CDH12: variants seen among roughly 807,000 people sequenced by gnomAD.
The protein encoded by CDH12 is cadherin-12.
A neutral mutation model predicts 74.1 loss-of-function variants in CDH12; 41 were observed. The observed-to-expected ratio is 0.55, with a 90% CI of 0.43 to 0.72. The LOEUF (loss-of-function observed/expected upper bound fraction) is 0.72. Among genes scored for constraint, CDH12 ranks in the 30% least tolerant of loss-of-function variants. The pLI is 0.00. For missense variants in CDH12, 945 were observed against 977.2 expected (o/e 0.97, Z 0.44); for synonymous variants, 399 against 355.0 (o/e 1.12, Z -1.39).
chr5:22,588,785 C>T (rs566395311), intron 1 of CDH12, among the ~76,000 whole-genome samples: 1 of 152,300 alleles, frequency 6.6e-6, no homozygotes, highest in African/African-American at 2.4e-5. Context: ...GTGTTAAATG[C>T]TCCTGCTCCC....
At chr5:22,475,287 C>T (rs901887156) in intron 2 of CDH12, among the ~76,000 whole-genome samples, 1 of 151,436 alleles carries the variant, frequency 6.6e-6, no homozygotes, top group Non-Finnish European at 1.5e-5. Flanking sequence ...GAATTTTCTT[C>T]GGGAAATGTT....
At chr5:22,833,476 T>C (rs1388165680) in intron 1 of CDH12, among the ~76,000 whole-genome samples, 1 of 152,196 alleles carries the variant, frequency 6.6e-6, no homozygotes, top group Non-Finnish European at 1.5e-5. Flanking sequence ...CACCTTTTCA[T>C]TGCTAAATAA....
chr5:21,989,816 T>C (rs190353259), intron 5 of CDH12, among the ~76,000 whole-genome samples: 7 of 152,184 alleles, frequency 4.6e-5, no homozygotes, highest in African/African-American at 1.7e-4. Flanking sequence ...AAAGTGGAGA[T>C]AATATAAAAT....
chr5:22,203,660 GA>G (rs924213217), intron 4 of CDH12, among the ~76,000 whole-genome samples: 11 of 152,134 alleles, frequency 7.2e-5, no homozygotes, highest in African/African-American at 2.7e-4. Context: ...AATATTTTGA[GA>G]AACCTTCCTA....
chr5:22,696,222 T>C (rs1742350422), intron 1 of CDH12, among the ~76,000 whole-genome samples: 1 of 151,746 alleles, frequency 6.6e-6, no homozygotes, highest in African/African-American at 2.4e-5. Flanking sequence ...TACAAAAAAA[T>C]TAGCCGGGCG....
chr5:22,221,145 G>A (rs1462075632), intron 3 of CDH12, among the ~76,000 whole-genome samples: 1 of 151,884 alleles, frequency 6.6e-6, no homozygotes, highest in Non-Finnish European at 1.5e-5. Context: ...TGGCATTCAC[G>A]CTGGGCTTTG....
chr5:22,377,364 G>A (rs554608973), intron 3 of CDH12, among the ~76,000 whole-genome samples: 18 of 152,078 alleles, frequency 1.2e-4, no homozygotes, highest in Non-Finnish European at 2.9e-5. Flanking sequence ...CAACAAGGTC[G>A]CCAATGACGC....
In CDH12 at chr5:22,599,464, C is replaced by T. The variant is rs181172831; in HGVS notation, c.-522-94100G>A. Among the ~76,000 whole-genome samples, 39 of 152,218 alleles carry T rather than the reference C, an allele frequency of 2.6e-4. No homozygotes were observed. In the East Asian group the frequency reaches 3.5e-3, roughly 14 times the overall value. On this transcript the variant is annotated intron_variant, in intron 1 of 14. Coordinates refer to ENST00000382254, the MANE Select transcript of CDH12 (RefSeq NM_004061.5). The stretch of plus-strand genomic sequence containing the variant: ...TGCCCCAGTGCATTCTTATAGTGCA[C>T]GCTGATAAATCATAGTAAAAATATA...
Position 21,802,187 on chromosome 5 carries a change from A to C in CDH12, c.1236T>G (p.Asp412Glu). 1 of 1,613,762 alleles carries C rather than the reference A, an allele frequency of 6.2e-7. No homozygotes were observed. The highest frequency in any genetic ancestry group is 8.5e-7 in the Non-Finnish European group (1 of 1,179,832). Residue 412 changes from aspartate (D) to glutamate (E), a missense_variant, in exon 10 of 15, where the codon GAT becomes GAG. By Grantham distance (45) the Asp-to-Glu change is conservative. Coordinates refer to ENST00000382254, the MANE Select transcript of CDH12 (RefSeq NM_004061.5). ...IIGAVTAQDL[D>E]VGSSAVRYFI... is the part of the protein sequence containing the mutation. Reference sequence around the variant, plus strand: ...CTCACCTAACAGCACTGCTGCCTACATCCAGGTCTTGAGCAGTGACAGCGC... The same window carrying C: ...CTCACCTAACAGCACTGCTGCCTACCTCCAGGTCTTGAGCAGTGACAGCGC...
chr5:21,846,497 C>T (rs1750178293), intron 7 of CDH12, among the ~76,000 whole-genome samples: 1 of 152,136 alleles, frequency 6.6e-6, no homozygotes, highest in Non-Finnish European at 1.5e-5. Context: ...CTTAATACAG[C>T]TATGTTACTT....
chr5:22,678,744 A>G lies in CDH12; in HGVS notation c.-522-173380T>C, dbSNP rs376345875. 3.9e-5 allele frequency among the ~76,000 whole-genome samples: 6 copies of G among 152,260 alleles called. No individual in the cohort carries two copies. In the South Asian group the frequency reaches 1.2e-3, roughly 32 times the overall value. Reference sequence around the variant, plus strand: ...AGAAGGAAAGAACAACAAAAATTCTAATAATGTACTTGTATATTTTCATCA... The same window carrying G: ...AGAAGGAAAGAACAACAAAAATTCTGATAATGTACTTGTATATTTTCATCA... On this transcript the variant is annotated intron_variant, in intron 1 of 14. Transcript: ENST00000382254.
At chr5:21,763,050 C>T (rs925910000) in intron 12 of CDH12, among the ~76,000 whole-genome samples, 2 of 152,240 alleles carry the variant, frequency 1.3e-5, no homozygotes, top group East Asian at 3.9e-4. Flanking sequence ...AAGCTGCAGG[C>T]TCATCCCATA....
At chr5:21,804,515 T>C (rs1314231861) in intron 9 of CDH12, among the ~76,000 whole-genome samples, 1 of 152,134 alleles carries the variant, frequency 6.6e-6, no homozygotes, top group Non-Finnish European at 1.5e-5. Flanking sequence ...TATGTTGACA[T>C]TACTTAGGAT....
chr5:22,845,342 G>A (rs969350061), intron 1 of CDH12, among the ~76,000 whole-genome samples: 4 of 152,006 alleles, frequency 2.6e-5, no homozygotes, highest in Admixed American at 2.0e-4. Context: ...TATAATTCAC[G>A]AGTATGTCTC....
intron 1 of CDH12, among the ~76,000 whole-genome samples, chr5:22,808,479 C>A (rs75136137): frequency 0.013 from 1,910 of 152,104 alleles, 39 homozygotes; most frequent in African/African-American, 0.044. Flanking sequence ...ACTGTAAAAC[C>A]AAGTGGCCTG....
chr5:22,142,758 G>A (rs1746884665), intron 4 of CDH12: 1 of 277,950 alleles, frequency 3.6e-6, no homozygotes, highest in African/African-American at 2.3e-5. Flanking sequence ...GGTTTACTCA[G>A]AATTAGTTAT....
chr5:22,019,667 C>T (rs1737839473), intron 5 of CDH12, among the ~76,000 whole-genome samples: 1 of 152,150 alleles, frequency 6.6e-6, no homozygotes, highest in South Asian at 2.1e-4. Flanking sequence ...CTTGGACTTC[C>T]ACCCTCCATA....
chr5:21,765,275 T>C (rs569379282), intron 11 of CDH12, among the ~76,000 whole-genome samples, 176 bp from the exon 12 acceptor site: 1 of 152,244 alleles, frequency 6.6e-6, no homozygotes, highest in African/African-American at 2.4e-5. Context: ...CTTTTTATCT[T>C]TAGAATTCAA....
chr5:22,350,075 A>G (rs1740295458), intron 3 of CDH12, among the ~76,000 whole-genome samples: 1 of 152,224 alleles, frequency 6.6e-6, no homozygotes. Flanking sequence ...TAGTTGAAAT[A>G]AATTGAGCTA....
Sources: gnomAD v4.1 joint callset for allele counts (sites outside exome capture counted in the v4.1 genomes callset) on GRCh38, gnomAD v4.1.1 for gene constraint, MANE v1.5 for transcripts, NCBI Gene and HGNC (gene_info 2026-07-23, HGNC 2026-07-21) for gene names.